Variants in PRDM5 observed in about 807,000 individuals in gnomAD.
PRDM5 encodes PR domain zinc finger protein 5.
Under a neutral mutation model 81.2 loss-of-function variants are expected in PRDM5, and 56 were observed. The ratio of observed to expected loss-of-function variants is 0.69; its 90% confidence interval spans 0.56 to 0.86. The LOEUF is 0.86. Ranked by LOEUF, PRDM5 falls within the 40% of genes least tolerant of loss-of-function variation. PRDM5 has a pLI of 0.00. For synonymous variants in PRDM5, 267 were observed against 256.4 expected (o/e 1.04, Z -0.39); for missense variants, 697 against 770.1 (o/e 0.91, Z 1.12).
intron 7 of PRDM5, among the ~76,000 whole-genome samples, chr4:120,814,005 C>T (rs764792901): frequency 2.0e-5 from 3 of 152,218 alleles, no homozygotes; most frequent in African/African-American, 4.8e-5. Flanking sequence ...CTTCAGTCTT[C>T]TCTCTCCTTT....
In PRDM5 at chr4:120,781,048, T is replaced by C; in HGVS notation, c.1443+95A>G. ...TTGTCATTTTGAGTAAATATTTTGA[T>C]AGATTAATATATAATTATCACATGT... On this transcript the variant is annotated intron_variant, in intron 12 of 15. Transcript: ENST00000264808. The C allele has an allele frequency of 4.7e-6, 5 of 1,058,866 alleles. No individual in the cohort carries two copies. The South Asian group carries it at 7.4e-5, about 16-fold the overall frequency. The allele number at this position is 1,058,866 out of a possible 1,614,324, so 65.6% of individuals were successfully genotyped here.
At chr4:120,788,542 G>T (rs1750094094) in intron 10 of PRDM5, among the ~76,000 whole-genome samples, 1 of 152,122 alleles carries the variant, frequency 6.6e-6, no homozygotes, top group Non-Finnish European at 1.5e-5. Context: ...TTTGTTTTTA[G>T]AGCATCCAGG....
At chr4:120,737,128 T>C (rs1741231636) in intron 14 of PRDM5, among the ~76,000 whole-genome samples, 1 of 151,894 alleles carries the variant, frequency 6.6e-6, no homozygotes, top group Non-Finnish European at 1.5e-5. Flanking sequence ...AGGGTGAGAG[T>C]GGCTTCATCA....
chr4:120,699,168 ATAT>A (rs1560889345), intron 15 of PRDM5, among the ~76,000 whole-genome samples: 79 of 29,176 alleles, frequency 2.7e-3, no homozygotes, highest in African/African-American at 6.2e-3. Flanking sequence ...ATAAATATAT[ATAT>A]ATATATATAT....
At chr4:120,699,944 A>AAAATAAATAAATAAATAAAT (rs5861483) in intron 15 of PRDM5, among the ~76,000 whole-genome samples, 2,073 of 148,570 alleles carry the variant, frequency 0.014, 41 homozygotes, top group East Asian at 0.09. Context: ...ATATAGAACC[A>AAAATAAATAAATAAATAAAT]AAATAAATAA....
chr4:120,920,708 T>C (rs548989194), intron 1 of PRDM5, among the ~76,000 whole-genome samples: 1 of 152,326 alleles, frequency 6.6e-6, no homozygotes, highest in Non-Finnish European at 1.5e-5. Context: ...ACATCGATAA[T>C]AGTTTGGATT....
At chr4:120,702,445 A>T (rs987773488) in intron 15 of PRDM5, among the ~76,000 whole-genome samples, 19 of 152,166 alleles carry the variant, frequency 1.2e-4, no homozygotes, top group Admixed American at 1.2e-3. Flanking sequence ...TCTCTGTTAA[A>T]TGCTCTCATA....
At chr4:120,776,692 G>A (rs1375632118) in intron 13 of PRDM5, among the ~76,000 whole-genome samples, 2 of 152,114 alleles carry the variant, frequency 1.3e-5, no homozygotes, top group Non-Finnish European at 2.9e-5. Context: ...AATTACACAG[G>A]AAGTGCTAAG....
chr4:120,858,498 G>C (rs1257837794), intron 2 of PRDM5, among the ~76,000 whole-genome samples: 1 of 152,060 alleles, frequency 6.6e-6, no homozygotes, highest in Non-Finnish European at 1.5e-5. Context: ...AAGGGCATGG[G>C]TTTTATTCCC....
At chr4:120,714,536 T>C (rs1159704671) in intron 14 of PRDM5, among the ~76,000 whole-genome samples, 1 of 152,214 alleles carries the variant, frequency 6.6e-6, no homozygotes, top group Non-Finnish European at 1.5e-5. Context: ...ATTTTTCTCA[T>C]AAGCAACGCA....
At chr4:120,922,091 C>G (rs1050585313) in intron 1 of PRDM5, among the ~76,000 whole-genome samples, 1 of 152,226 alleles carries the variant, frequency 6.6e-6, no homozygotes, top group Non-Finnish European at 1.5e-5. Context: ...GGAAAAGAGG[C>G]GACAGCGGAG....
At chr4:120,894,499 C>A (rs1764405424) in intron 2 of PRDM5, among the ~76,000 whole-genome samples, 1 of 152,166 alleles carries the variant, frequency 6.6e-6, no homozygotes, top group African/African-American at 2.4e-5. Flanking sequence ...GTGATAAAGT[C>A]TCAGTTTTTG....
At chr4:120,792,674 T>C (rs1010954470) in intron 10 of PRDM5, among the ~76,000 whole-genome samples, 1 of 152,008 alleles carries the variant, frequency 6.6e-6, no homozygotes, top group Non-Finnish European at 1.5e-5. Flanking sequence ...CATTGACAGA[T>C]GAATGGATAA....
At chr4:120,820,397 T>C (rs1228102123) in intron 4 of PRDM5, among the ~76,000 whole-genome samples, 1 of 152,228 alleles carries the variant, frequency 6.6e-6, no homozygotes, top group Non-Finnish European at 1.5e-5. Context: ...AGTATTTTGT[T>C]ATAACAGCCT....
At chr4:120,684,691 T>C (rs1733772261), downstream of PRDM5, among the ~76,000 whole-genome samples, 1 of 152,030 alleles carries the variant, frequency 6.6e-6, no homozygotes, top group African/African-American at 2.4e-5. Context: ...ATAAAATGCC[T>C]TTAATTTTAT....
chr4:120,915,299 C>A (rs1001484056), intron 1 of PRDM5, among the ~76,000 whole-genome samples: 3 of 152,118 alleles, frequency 2.0e-5, no homozygotes, highest in African/African-American at 2.4e-5. Context: ...ATCCACCATC[C>A]AAACAAGTAA....
chr4:120,705,470 G>A (rs1735975395), intron 15 of PRDM5, among the ~76,000 whole-genome samples: 2 of 152,172 alleles, frequency 1.3e-5, no homozygotes, highest in African/African-American at 4.8e-5. Flanking sequence ...CGGAAGAAAA[G>A]TGTTCTAGGC....
At chr4:120,795,437 T>C (rs1327556823) in intron 10 of PRDM5, among the ~76,000 whole-genome samples, 1 of 152,150 alleles carries the variant, frequency 6.6e-6, no homozygotes, top group Non-Finnish European at 1.5e-5. Context: ...CGAAGTATAT[T>C]TGAATTGAGA....
At chr4:120,730,429 G>A (rs186126999) in intron 14 of PRDM5, among the ~76,000 whole-genome samples, 1 of 152,032 alleles carries the variant, frequency 6.6e-6, no homozygotes, top group African/African-American at 2.4e-5. Flanking sequence ...AAATTATTTA[G>A]GAATCTCAAC....
Sources: gnomAD v4.1 joint callset for allele counts (sites outside exome capture counted in the v4.1 genomes callset) on GRCh38, gnomAD v4.1.1 for gene constraint, MANE v1.5 for transcripts, NCBI Gene and HGNC (gene_info 2026-07-23, HGNC 2026-07-21) for gene names.